The following ZCCHC4 variants were observed in gnomAD, a reference collection of about 807,000 sequenced individuals.
The protein encoded by ZCCHC4 is zinc finger CCHC-type containing 4.
A neutral mutation model predicts 67.7 loss-of-function variants in ZCCHC4; 54 were observed. That is an observed-to-expected ratio of 0.80 (90% CI 0.64 to 1.00). ZCCHC4 has a LOEUF of 1.00. ZCCHC4 is among the 50% of genes least tolerant of loss of function. ZCCHC4 has a pLI of 0.00. For missense variants in ZCCHC4, 609 were observed against 617.0 expected, an observed-to-expected ratio of 0.99 and a Z score of 0.14; for synonymous variants, 198 against 213.5, an observed-to-expected ratio of 0.93 and a Z score of 0.63.
chr4:25,333,364 G>T lies in ZCCHC4; in HGVS notation c.511G>T (p.Ala171Ser). Residue 171 changes from alanine (A) to serine (S), a missense_variant, in exon 4 of 13, where the codon GCC (alanine) becomes TCC (serine). Physicochemically the swap from Ala to Ser is moderately conservative, Grantham distance 99 (BLOSUM62 1). Transcript: ENST00000302874. The part of the protein sequence containing the change: ...LYPLENKKTN[A>S]QYLFADRSCQ... ...TCCACTGGAAAACAAGAAGACAAAT[G>T]CCCAGTATCTGTTTGCTGATCGGAG... 6.2e-7 allele frequency: 1 copy of T among 1,614,130 alleles called. No individual in the cohort carries two copies. Among genetic ancestry groups the T allele is most frequent in the Non-Finnish European group, 8.5e-7 (1 of 1,180,002 alleles).
intron 8 of ZCCHC4, among the ~76,000 whole-genome samples, chr4:25,360,427 C>T (rs921182686): frequency 6.6e-6 from 1 of 152,146 alleles, no homozygotes; most frequent in Non-Finnish European, 1.5e-5. Context: ...GCTTTTGGTC[C>T]CAGCTGTGGA....
intron 3 of ZCCHC4, among the ~76,000 whole-genome samples, chr4:25,320,171 C>A (rs1346918616): frequency 6.6e-6 from 1 of 151,784 alleles, no homozygotes; most frequent in Non-Finnish European, 1.5e-5. Flanking sequence ...ACATTTTGTG[C>A]CTGAGATTTG....
Position 25,324,014 on chromosome 4 carries a change from GTT to G in ZCCHC4, c.329+8629_329+8630del, listed in dbSNP as rs71188998. ...TCGTACAGTATGTACTGTTTTTTGTGTTTTTTTTTTTTTTTTGAGACAGAGTC... is the reference window on the plus strand; with the variant it reads ...TCGTACAGTATGTACTGTTTTTTGTGTTTTTTTTTTTTTTGAGACAGAGTC... On this transcript the variant is annotated intron_variant, in intron 3 of 12. Coordinates refer to ENST00000302874, the MANE Select transcript of ZCCHC4 (RefSeq NM_024936.3). Among the ~76,000 whole-genome samples, 15 of 82,440 alleles carry G rather than the reference GTT, an allele frequency of 1.8e-4. 1 individual carries two copies. The highest frequency in any genetic ancestry group is 2.1e-4 in the Non-Finnish European group (10 of 46,564). 54.1% of individuals were successfully genotyped at this position (82,440 alleles called of 152,430 possible).
Position 25,324,981 on chromosome 4 carries a change from C to T in ZCCHC4, c.330-8202C>T, listed in dbSNP as rs12510920. Among the ~76,000 whole-genome samples the T allele has an allele frequency of 0.014, 2,131 of 152,172 alleles. 92 individuals carry two copies. In the East Asian group the frequency reaches 0.15, roughly 11 times the overall value. ...ATTTTCGGCCGGGCGCGGTGGCTCA[C>T]GCCTGTAATCCCAGCACTTTGGGAG... On this transcript the variant is annotated intron_variant, in intron 3 of 12. Transcript: ENST00000302874.
At chr4:25,323,217 A>T (rs1718677420) in intron 3 of ZCCHC4, among the ~76,000 whole-genome samples, 1 of 152,226 alleles carries the variant, frequency 6.6e-6, no homozygotes, top group Non-Finnish European at 1.5e-5. Context: ...TGCATTCATT[A>T]GCTGTAATTC....
At position 25,314,029 on chromosome 4, in the gene ZCCHC4, T is replaced by C. The variant is rs1560394041; in HGVS notation, c.128-17T>C. On this transcript the variant is annotated splice_polypyrimidine_tract_variant and intron_variant, in intron 1 of 12. Transcript: ENST00000302874. Reference sequence around the variant, plus strand: ...ATTACTTGACACTTTTTTTTTTTTTTTCTATTCTGGAACTAGGACCCACTC... The same window carrying C: ...ATTACTTGACACTTTTTTTTTTTTTCTCTATTCTGGAACTAGGACCCACTC... 10 of 1,477,976 alleles carry C rather than the reference T, an allele frequency of 6.8e-6. No individual in the cohort carries two copies. Among genetic ancestry groups the C allele is most frequent in the Non-Finnish European group, 9.2e-6 (10 of 1,086,628 alleles). The allele number at this position is 1,477,976 out of a possible 1,614,324, so 91.6% of individuals were successfully genotyped here.
intron 7 of ZCCHC4, 50 bp downstream of exon 7, chr4:25,349,692 C>T (rs978171620): frequency 5.1e-6 from 8 of 1,572,360 alleles, no homozygotes; most frequent in African/African-American, 2.7e-5. Flanking sequence ...TATCTACTTC[C>T]TGTCAAATAT....
chr4:25,364,933 ACACT>A (rs1720883657), intron 11 of ZCCHC4, 85 bp from the exon 12 acceptor site: 4 of 1,552,290 alleles, frequency 2.6e-6, no homozygotes, highest in Non-Finnish European at 3.5e-6. Context: ...CTTCAAGTAA[ACACT>A]GTTCGTATAT....
intron 12 of ZCCHC4, 98 bp from the exon 13 acceptor site, chr4:25,368,931 C>T: frequency 7.3e-7 from 1 of 1,370,100 alleles, no homozygotes; most frequent in Non-Finnish European, 9.7e-7. Flanking sequence ...TTCCCTTCTT[C>T]TATTTTCTTA....
chr4:25,335,779 G>A (rs1387470808), intron 5 of ZCCHC4, among the ~76,000 whole-genome samples: 1 of 152,008 alleles, frequency 6.6e-6, no homozygotes, highest in African/African-American at 2.4e-5. Flanking sequence ...AAAATGAAGT[G>A]TAGCTTTAAT....
intron 3 of ZCCHC4, among the ~76,000 whole-genome samples, chr4:25,330,425 G>T (rs923583215): frequency 1.3e-5 from 2 of 152,060 alleles, no homozygotes; most frequent in South Asian, 4.2e-4. Context: ...GTGTATTTTT[G>T]ATTTTGTTCT....
chr4:25,366,224 A>G (rs1017260949), intron 12 of ZCCHC4: 32 of 938,886 alleles, frequency 3.4e-5, no homozygotes, highest in Non-Finnish European at 4.1e-5. Context: ...TCGTTCCTAC[A>G]TTTACTCTAC....
At chr4:25,348,799 G>A (rs1353060713) in intron 6 of ZCCHC4, among the ~76,000 whole-genome samples, 1 of 152,106 alleles carries the variant, frequency 6.6e-6, no homozygotes, top group Admixed American at 6.6e-5. Flanking sequence ...TGGAGATACT[G>A]TTATATGGTA....
chr4:25,333,235 T>C lies in ZCCHC4; in HGVS notation c.382T>C (p.Cys128Arg). 1 of 1,614,206 alleles carries C rather than the reference T, an allele frequency of 6.2e-7. No homozygotes were observed. The highest frequency in any genetic ancestry group is 8.5e-7 in the Non-Finnish European group (1 of 1,180,022). The change falls in exon 4 of 13, where the codon TGT (cysteine) becomes CGT (arginine). Residue 128 changes from cysteine (C) to arginine (R), a missense_variant. Coordinates refer to ENST00000302874, the MANE Select transcript of ZCCHC4 (RefSeq NM_024936.3). ...PLTQRKFCQT[C>R]QQLLLPDDWG... is the part of the protein sequence containing the mutation. ...GACTCAGAGAAAGTTTTGTCAAACA[T>C]GTCAGCAGTTGTTGTTACCAGATGA... is the stretch of plus-strand genomic sequence containing the variant.
At chr4:25,338,195 G>A (rs1190913001) in intron 5 of ZCCHC4, among the ~76,000 whole-genome samples, 2 of 152,260 alleles carry the variant, frequency 1.3e-5, no homozygotes, top group Admixed American at 6.5e-5. Flanking sequence ...GGGTTCAAGC[G>A]ATCCTCCTAC....
intron 3 of ZCCHC4, among the ~76,000 whole-genome samples, chr4:25,321,475 C>A (rs185226996): frequency 6.3e-4 from 96 of 152,234 alleles, no homozygotes; most frequent in Admixed American, 1.9e-3. Context: ...GGGGTTCAAG[C>A]GACTCTCCTG....
At chr4:25,349,376 G>T (rs992649927) in intron 6 of ZCCHC4, 116 bp from the exon 7 acceptor site, 10 of 941,700 alleles carry the variant, frequency 1.1e-5, no homozygotes, top group Admixed American at 2.5e-5. Context: ...GTGGCAAGAT[G>T]ACTTGGTAAA....
At chr4:25,365,503 G>T (rs1185965923) in intron 12 of ZCCHC4, 11 of 1,031,356 alleles carry the variant, frequency 1.1e-5, no homozygotes, top group Middle Eastern at 4.6e-4. Context: ...TTTACGTCAG[G>T]CTTTGAGGGA....
intron 12 of ZCCHC4, chr4:25,365,823 A>G: frequency 1.0e-6 from 1 of 985,448 alleles, no homozygotes; most frequent in Non-Finnish European, 1.2e-6. Context: ...CCAAAACAAA[A>G]CAAAAAGAGA....
Sources: allele counts gnomAD v4.1 joint callset (sites outside exome capture counted in the v4.1 genomes callset), GRCh38; gene constraint gnomAD v4.1.1; transcripts MANE v1.5; gene names NCBI Gene and HGNC (gene_info 2026-07-23, HGNC 2026-07-21).